TNKS: variants seen among roughly 807,000 people sequenced by gnomAD.
TNKS encodes poly [ADP-ribose] polymerase tankyrase-1.
In TNKS, 72 loss-of-function variants were observed where a neutral mutation model predicts 135.8. That is an observed-to-expected ratio of 0.53 (90% CI 0.44 to 0.64). The LOEUF is 0.64. Among genes scored for constraint, TNKS ranks in the 30% least tolerant of loss-of-function variants. The pLI is 0.00. For synonymous variants in TNKS, 849 were observed against 649.3 expected, an observed-to-expected ratio of 1.31 and a Z score of -4.68; for missense variants, 1,769 against 1,674.0, an observed-to-expected ratio of 1.06 and a Z score of -0.99.
intron 1 of TNKS, among the ~76,000 whole-genome samples, chr8:9,562,398 T>C (rs1797373511): frequency 6.6e-6 from 1 of 152,172 alleles, no homozygotes; most frequent in East Asian, 1.9e-4. Context: ...TAAGAACTTT[T>C]ATCTGGCCCC....
intron 17 of TNKS, among the ~76,000 whole-genome samples, chr8:9,736,276 G>A (rs946000870): frequency 7.3e-5 from 11 of 150,424 alleles, no homozygotes; most frequent in South Asian, 2.1e-4. Context: ...CCAGCCATTC[G>A]GGAGGCTGAG....
chr8:9,595,739 T>G (rs1798760008), intron 2 of TNKS, among the ~76,000 whole-genome samples: 1 of 152,202 alleles, frequency 6.6e-6, no homozygotes, highest in African/African-American at 2.4e-5. Context: ...AAGGCTTTAC[T>G]TAATGCCCAG....
intron 13 of TNKS, among the ~76,000 whole-genome samples, chr8:9,727,816 A>G (rs1291647997): frequency 6.6e-6 from 1 of 152,228 alleles, no homozygotes; most frequent in East Asian, 1.9e-4. Flanking sequence ...CCAGGATCAC[A>G]TCCAACTTAC....
At chr8:9,729,004 C>A (rs1395526961) in intron 13 of TNKS, among the ~76,000 whole-genome samples, 1 of 152,158 alleles carries the variant, frequency 6.6e-6, no homozygotes, top group Non-Finnish European at 1.5e-5. Flanking sequence ...GTTCTGGAGG[C>A]TAGGAAGTCC....
intron 3 of TNKS, among the ~76,000 whole-genome samples, chr8:9,619,460 G>T (rs184480050): frequency 6.6e-6 from 1 of 152,312 alleles, no homozygotes; most frequent in African/African-American, 2.4e-5. Context: ...TCGTTGTCAG[G>T]ACCAAGGATG....
intron 3 of TNKS, among the ~76,000 whole-genome samples, chr8:9,645,874 T>C (rs1289282595): frequency 6.6e-6 from 1 of 152,212 alleles, no homozygotes; most frequent in African/African-American, 2.4e-5. Context: ...GACTCATAGT[T>C]ATCTTTTCTT....
intron 9 of TNKS, 95 bp from the exon 10 acceptor site, chr8:9,709,860 C>A: frequency 2.3e-6 from 2 of 867,060 alleles, no homozygotes; most frequent in South Asian, 1.5e-5. Context: ...TCTGAGATAA[C>A]AATGTTTTAA....
At chr8:9,680,166 T>C (rs1341839074) in intron 4 of TNKS, among the ~76,000 whole-genome samples, 179 bp downstream of exon 4, 1 of 151,470 alleles carries the variant, frequency 6.6e-6, no homozygotes. Flanking sequence ...TCTTTTCATG[T>C]GGTGATGATT....
Position 9,556,161 on chromosome 8 carries a change from G to A in TNKS, c.222G>A (p.Pro74=), listed in dbSNP as rs773403550. The A allele has an allele frequency of 1.2e-6, 2 of 1,610,400 alleles. No individual in the cohort carries two copies. Among genetic ancestry groups the A allele is most frequent in the South Asian group, 2.2e-5 (2 of 90,882 alleles). Reference sequence around the variant, plus strand: ...CGGAGGGGGATGGCAGTCGGGATCCGCCCGACAGGCCCCGATCCCCGGACC... The same window carrying A: ...CGGAGGGGGATGGCAGTCGGGATCCACCCGACAGGCCCCGATCCCCGGACC... ...ALPEGDGSRD[P]PDRPRSPDPV... Residue 74 remains proline, a synonymous_variant, in exon 1 of 27, where the codon CCG becomes CCA. Coordinates refer to ENST00000310430, the MANE Select transcript of TNKS (RefSeq NM_003747.3).
intron 2 of TNKS, among the ~76,000 whole-genome samples, chr8:9,593,091 C>G (rs1049747898): frequency 5.9e-5 from 9 of 152,092 alleles, no homozygotes; most frequent in Non-Finnish European, 1.0e-4. Flanking sequence ...TGAATTGCCC[C>G]TCTTGGGAGC....
chr8:9,749,833 A>C (rs1169275772), intron 18 of TNKS, among the ~76,000 whole-genome samples: 1 of 152,164 alleles, frequency 6.6e-6, no homozygotes, highest in African/African-American at 2.4e-5. Context: ...TTTCATAAGA[A>C]ATGGATCATA....
chr8:9,556,787 G>C, intron 1 of TNKS, 175 bp downstream of exon 1: 2 of 522,146 alleles, frequency 3.8e-6, no homozygotes, highest in Non-Finnish European at 6.5e-6. Flanking sequence ...TGATGGGGGC[G>C]TGGTTGGGGG....
chr8:9,721,223 A>T (rs1050204740), intron 12 of TNKS, among the ~76,000 whole-genome samples: 2 of 149,810 alleles, frequency 1.3e-5, no homozygotes, highest in African/African-American at 2.4e-5. Context: ...CGGAGGTTGC[A>T]GTGAGCCGAG....
intron 17 of TNKS, chr8:9,741,787 G>A (rs1805975023): frequency 8.3e-6 from 4 of 483,102 alleles, no homozygotes; most frequent in South Asian, 1.5e-5. Context: ...CTAACTTCAC[G>A]TTCCCTTGAG....
rs1248874882 is a variant in TNKS, at chr8:9,556,006, G to C, written c.67G>C (p.Gly23Arg). The C allele has an allele frequency of 1.2e-6, 2 of 1,613,020 alleles. No homozygotes were observed. The highest frequency in any genetic ancestry group is 8.5e-7 in the Non-Finnish European group (1 of 1,179,828). The change falls in exon 1 of 27, where the codon GGG becomes CGG. Residue 23 changes from glycine (G) to arginine (R), a missense_variant. Physicochemically the swap from Gly to Arg is moderately radical, Grantham distance 125. Coordinates refer to ENST00000310430, the MANE Select transcript of TNKS (RefSeq NM_003747.3). ...TCAACAACAGCTCCAGCCCGCCCCA[G>C]GGGCTTCAGCGCCGCCGCCGCCACC... Reference protein sequence around the residue: ...HHQQQLQPAPGASAPPPPPPP... With the variant: ...HHQQQLQPAPRASAPPPPPPP...
chr8:9,635,195 T>C (rs1462095060), intron 3 of TNKS, among the ~76,000 whole-genome samples: 2 of 146,998 alleles, frequency 1.4e-5, no homozygotes, highest in East Asian at 2.0e-4. Flanking sequence ...AAAAAAGTAA[T>C]GAACTGCTCA....
intron 2 of TNKS, among the ~76,000 whole-genome samples, chr8:9,584,582 C>G (rs1246416468): frequency 6.6e-6 from 1 of 152,114 alleles, no homozygotes; most frequent in Non-Finnish European, 1.5e-5. Context: ...TCATTTCAGT[C>G]TAAGATAGAC....
intron 1 of TNKS, among the ~76,000 whole-genome samples, chr8:9,574,130 C>T (rs934933484): frequency 1.3e-5 from 2 of 152,148 alleles, no homozygotes; most frequent in African/African-American, 4.8e-5. Context: ...TGCCAGCACA[C>T]CACATAGTAT....
At chr8:9,707,683 C>A (rs1426752840) in intron 8 of TNKS, among the ~76,000 whole-genome samples, 1 of 152,258 alleles carries the variant, frequency 6.6e-6, no homozygotes, top group Non-Finnish European at 1.5e-5. Flanking sequence ...ATTGGATTCT[C>A]ATTCATGCAA....
Sources: allele counts gnomAD v4.1 joint callset (sites outside exome capture counted in the v4.1 genomes callset), GRCh38; gene constraint gnomAD v4.1.1; transcripts MANE v1.5; gene names NCBI Gene and HGNC (gene_info 2026-07-23, HGNC 2026-07-21).